The following TJP1 variants were observed in gnomAD, a reference collection of about 807,000 sequenced individuals.
TJP1 encodes tight junction protein 1, also known as tight junction protein ZO-1.
Under a neutral mutation model 194.2 loss-of-function variants are expected in TJP1, and 43 were observed. The observed-to-expected ratio is 0.22, with a 90% CI of 0.17 to 0.29. TJP1 has a LOEUF of 0.29. Among genes scored for constraint, TJP1 ranks in the 10% least tolerant of loss-of-function variants. The probability of loss-of-function intolerance (pLI) is 1.00; values close to 1 mark genes in which losing one functional copy is unlikely to be tolerated. For missense variants in TJP1, 1,971 were observed against 2,185.7 expected (o/e 0.90, Z 1.96); for synonymous variants, 801 against 779.0 (o/e 1.03, Z -0.47).
chr15:29,757,188 C>T (rs1309017689), intron 8 of TJP1, among the ~76,000 whole-genome samples: 1 of 152,172 alleles, frequency 6.6e-6, no homozygotes, highest in Non-Finnish European at 1.5e-5. Flanking sequence ...TCTATCACTT[C>T]TCACAAAATG....
intron 2 of TJP1, among the ~76,000 whole-genome samples, chr15:29,859,854 T>C (rs962490560): frequency 6.6e-6 from 1 of 152,198 alleles, no homozygotes; most frequent in Non-Finnish European, 1.5e-5. Flanking sequence ...AATTCCTGAA[T>C]CACCTCCATG....
chr15:29,730,707 G>A (rs1000581443), intron 15 of TJP1: 11 of 760,868 alleles, frequency 1.4e-5, no homozygotes, highest in Non-Finnish European at 2.2e-5. Context: ...TGTCGCCACC[G>A]CCACCATGCC....
Position 29,741,433 on chromosome 15 carries a change from G to A in TJP1, c.1154C>T (p.Pro385Leu). 1 of 1,603,816 alleles carries A rather than the reference G, an allele frequency of 6.2e-7. No individual in the cohort carries two copies. Among genetic ancestry groups the A allele is most frequent in the Non-Finnish European group, 8.5e-7 (1 of 1,175,772 alleles). ...CCCAACTTGGGCATACACAGGCTTT[G>A]GTTCTAAGAAAAAAAAAATTGAGTA... ...NEKQTPSLPE[P>L]KPVYAQVGQP... Residue 385 changes from proline to leucine, a missense_variant, in exon 10 of 28, where the codon CCA becomes CTA. Physicochemically the swap from Pro to Leu is moderately conservative, Grantham distance 98. Around this residue, in one of 5 missense-constraint regions of TJP1, gnomAD observed 192 missense variants for 182.3 expected, o/e 1.05. Transcript: ENST00000614355.
At chr15:29,811,053 T>A (rs2049463334) in intron 1 of TJP1, among the ~76,000 whole-genome samples, 2 of 152,006 alleles carry the variant, frequency 1.3e-5, no homozygotes, top group Admixed American at 1.3e-4. Flanking sequence ...AACAGTGCCA[T>A]GAGGAACTCA....
At chr15:29,887,358 A>G (rs2053152621) in intron 2 of TJP1, among the ~76,000 whole-genome samples, 1 of 151,234 alleles carries the variant, frequency 6.6e-6, no homozygotes, top group African/African-American at 2.4e-5. Context: ...CTGGAGTGCA[A>G]TGCGCAATCT....
At chr15:29,905,444 T>C (rs1337471199) in intron 2 of TJP1, among the ~76,000 whole-genome samples, 1 of 152,224 alleles carries the variant, frequency 6.6e-6, no homozygotes, top group Non-Finnish European at 1.5e-5. Context: ...GATGGGAAGA[T>C]AGTTTGGCAG....
chr15:29,796,651 G>A (rs2048432290), intron 2 of TJP1, among the ~76,000 whole-genome samples: 1 of 152,026 alleles, frequency 6.6e-6, no homozygotes, highest in Admixed American at 6.6e-5. Flanking sequence ...TTTCTTTGAG[G>A]GAAGGAAGAT....
chr15:29,748,912 A>C (rs1370810930), intron 8 of TJP1, among the ~76,000 whole-genome samples: 1 of 147,056 alleles, frequency 6.8e-6, no homozygotes. Context: ...CTCCATATTT[A>C]AGCTTAAAAA....
chr15:29,746,798 A>C (rs1169213532), intron 8 of TJP1, among the ~76,000 whole-genome samples: 4 of 152,130 alleles, frequency 2.6e-5, no homozygotes, highest in Admixed American at 2.6e-4. Flanking sequence ...ATAAAAAATA[A>C]GTACTTTGCA....
At chr15:29,762,995 A>AC (rs1403320046) in intron 5 of TJP1, among the ~76,000 whole-genome samples, 1 of 152,144 alleles carries the variant, frequency 6.6e-6, no homozygotes, top group Non-Finnish European at 1.5e-5. Context: ...TGCATATACT[A>AC]CTTCTATTTT....
At chr15:29,781,969 A>G (rs2047394135) in intron 2 of TJP1, among the ~76,000 whole-genome samples, 1 of 152,230 alleles carries the variant, frequency 6.6e-6, no homozygotes, top group South Asian at 2.1e-4. Context: ...AGTCCTGGCC[A>G]GAGCAATTAG....
At chr15:29,765,268 A>G (rs2151567062) in intron 5 of TJP1, among the ~76,000 whole-genome samples, 1 of 152,290 alleles carries the variant, frequency 6.6e-6, no homozygotes, top group African/African-American at 2.4e-5. Context: ...TAAAAACAGC[A>G]AATGTTGACA....
intron 8 of TJP1, among the ~76,000 whole-genome samples, chr15:29,760,869 AT>A (rs894739763): frequency 1.3e-5 from 2 of 152,220 alleles, no homozygotes; most frequent in African/African-American, 4.8e-5. Context: ...AGTCATGCCC[AT>A]TCATTTACAC....
chr15:29,794,739 G>A (rs2048297879), intron 2 of TJP1, among the ~76,000 whole-genome samples: 3 of 152,284 alleles, frequency 2.0e-5, no homozygotes, highest in African/African-American at 4.8e-5. Flanking sequence ...TGAAAAGGTA[G>A]TAAGGAAAAG....
intron 2 of TJP1, among the ~76,000 whole-genome samples, chr15:29,834,622 T>C (rs939393474): frequency 6.6e-6 from 1 of 152,256 alleles, no homozygotes; most frequent in African/African-American, 2.4e-5. Flanking sequence ...TCAATGAGGT[T>C]AATGACACAA....
At chr15:29,884,260 T>C (rs1353854158) in intron 2 of TJP1, among the ~76,000 whole-genome samples, 1 of 152,210 alleles carries the variant, frequency 6.6e-6, no homozygotes, top group Non-Finnish European at 1.5e-5. Context: ...GAGATCATCT[T>C]GTTCAACGGT....
chr15:29,920,563 C>G (rs2054324523), intron 2 of TJP1, among the ~76,000 whole-genome samples: 1 of 152,210 alleles, frequency 6.6e-6, no homozygotes, highest in African/African-American at 2.4e-5. Context: ...TCAGCCTTCC[C>G]TTCCAAACGC....
At chr15:29,963,613 A>G (rs2056234963) in intron 1 of TJP1, among the ~76,000 whole-genome samples, 1 of 152,168 alleles carries the variant, frequency 6.6e-6, no homozygotes, top group South Asian at 2.1e-4. Flanking sequence ...TAGAGTATAA[A>G]GAAAATGAAA....
intron 2 of TJP1, among the ~76,000 whole-genome samples, chr15:29,951,415 G>T (rs926703823): frequency 1.3e-5 from 2 of 151,904 alleles, no homozygotes; most frequent in African/African-American, 4.8e-5. Context: ...AGATCCACCC[G>T]CCTCGGCCTC....
Sources: allele counts gnomAD v4.1 joint callset (sites outside exome capture counted in the v4.1 genomes callset), GRCh38; gene constraint gnomAD v4.1.1; regional missense constraint gnomAD v4.1.1; transcripts MANE v1.5; gene names NCBI Gene and HGNC (gene_info 2026-07-23, HGNC 2026-07-21).